The following PARD3 variants were observed in gnomAD, a reference collection of about 807,000 sequenced individuals.
PARD3 encodes par-3 family cell polarity regulator.
In PARD3, 75 loss-of-function variants were observed where a neutral mutation model predicts 155.4. That is an observed-to-expected ratio of 0.48 (90% confidence interval 0.40 to 0.58). The LOEUF is 0.58. Ranked by LOEUF, PARD3 falls within the 20% of genes least tolerant of loss-of-function variation. PARD3 has a pLI of 0.00. For missense variants in PARD3, 1,642 were observed against 1,721.7 expected (o/e 0.95, Z 0.82); for synonymous variants, 576 against 610.5 (o/e 0.94, Z 0.83).
At chr10:34,331,085 AATT>A in intron 19 of PARD3, 29 bp downstream of exon 19, 4 of 1,539,572 alleles carry the variant, frequency 2.6e-6, no homozygotes, top group Non-Finnish European at 2.7e-6. Flanking sequence ...GTCTAATTTT[AATT>A]ATTATTCTTT....
intron 5 of PARD3, among the ~76,000 whole-genome samples, chr10:34,413,479 C>A (rs952726446): frequency 5.4e-5 from 8 of 148,178 alleles, no homozygotes; most frequent in Non-Finnish European, 1.2e-4. Flanking sequence ...ATTTGAGAAA[C>A]CTTTTGACTA....
At chr10:34,716,580 CTTTT>C (rs1258313999) in intron 1 of PARD3, among the ~76,000 whole-genome samples, 17 of 109,482 alleles carry the variant, frequency 1.6e-4, no homozygotes, top group Middle Eastern at 5.3e-3. Context: ...CCCAGGATGG[CTTTT>C]CTTTTTTTTT....
chr10:34,357,290 AAAAATTTTAATTGGTCTCT>A (rs1208074668), intron 14 of PARD3, among the ~76,000 whole-genome samples: 3 of 152,182 alleles, frequency 2.0e-5, no homozygotes, highest in Non-Finnish European at 4.4e-5. Flanking sequence ...AGAAGGTGTT[AAAAATTTTAATTGGTCTCT>A]AAAAGACTAA....
At chr10:34,619,208 G>A (rs550536329) in intron 2 of PARD3, among the ~76,000 whole-genome samples, 7 of 151,950 alleles carry the variant, frequency 4.6e-5, no homozygotes, top group South Asian at 2.1e-4. Context: ...GCACCACCAC[G>A]CCTGGCTAAA....
intron 2 of PARD3, among the ~76,000 whole-genome samples, chr10:34,676,396 A>C (rs1331908632): frequency 6.6e-6 from 1 of 152,164 alleles, no homozygotes; most frequent in Non-Finnish European, 1.5e-5. Flanking sequence ...GCTCCTTCCC[A>C]CAATAAACAA....
chr10:34,670,655 G>A (rs1295070876), intron 2 of PARD3, among the ~76,000 whole-genome samples: 1 of 152,162 alleles, frequency 6.6e-6, no homozygotes, highest in African/African-American at 2.4e-5. Context: ...ATGTTTTAGA[G>A]TATCTATAAG....
chr10:34,145,949 C>G (rs1948485051), intron 22 of PARD3, among the ~76,000 whole-genome samples: 1 of 152,138 alleles, frequency 6.6e-6, no homozygotes. Context: ...GTTGGGAATT[C>G]TCATGACAGT....
At chr10:34,304,654 A>AC (rs1414121752) in intron 20 of PARD3, among the ~76,000 whole-genome samples, 1 of 152,194 alleles carries the variant, frequency 6.6e-6, no homozygotes, top group Non-Finnish European at 1.5e-5. Context: ...GTGTGACTCT[A>AC]CCACCAATTA....
chr10:34,499,691 A>G (rs1309481906), intron 3 of PARD3, among the ~76,000 whole-genome samples: 3 of 152,222 alleles, frequency 2.0e-5, no homozygotes, highest in Non-Finnish European at 4.4e-5. Context: ...TGAATTAAGC[A>G]TACTCTATTT....
intron 1 of PARD3, among the ~76,000 whole-genome samples, chr10:34,708,228 T>C (rs917393923): frequency 3.3e-5 from 5 of 151,890 alleles, no homozygotes; most frequent in East Asian, 3.9e-4. Context: ...CTTTGTTTTT[T>C]GTCTTGTCTT....
At chr10:34,270,787 A>C (rs1955576666) in intron 21 of PARD3, among the ~76,000 whole-genome samples, 1 of 152,172 alleles carries the variant, frequency 6.6e-6, no homozygotes. Flanking sequence ...TAAATTAAGG[A>C]CTAGAAGGCA....
chr10:34,519,880 CATAAA>C (rs1209499578), intron 2 of PARD3, among the ~76,000 whole-genome samples: 110 of 139,776 alleles, frequency 7.9e-4, no homozygotes, highest in African/African-American at 2.6e-3. Flanking sequence ...CATAACATAA[CATAAA>C]AATAGAAAAT....
chr10:34,450,279 T>C (rs773454755), intron 5 of PARD3, 38 bp downstream of exon 5: 1 of 1,594,660 alleles, frequency 6.3e-7, no homozygotes, highest in South Asian at 1.1e-5. Context: ...GACAGGATGT[T>C]ACAGCAATGA....
intron 2 of PARD3, among the ~76,000 whole-genome samples, chr10:34,537,546 T>A (rs530899833): frequency 6.6e-6 from 1 of 152,200 alleles, no homozygotes; most frequent in South Asian, 2.1e-4. Flanking sequence ...TACACTGGGG[T>A]CCACACTTCC....
At chr10:34,560,888 C>G (rs755280178) in intron 2 of PARD3, among the ~76,000 whole-genome samples, 6 of 152,200 alleles carry the variant, frequency 3.9e-5, no homozygotes, top group Non-Finnish European at 7.4e-5. Flanking sequence ...TGGAACTCAA[C>G]ATTTCCATGC....
At chr10:34,795,532 A>T (rs954692266) in intron 1 of PARD3, among the ~76,000 whole-genome samples, 1 of 151,968 alleles carries the variant, frequency 6.6e-6, no homozygotes, top group Non-Finnish European at 1.5e-5. Flanking sequence ...GAATCACTTG[A>T]GCCCAGCATT....
At chr10:34,316,142 G>A (rs576082562) in intron 20 of PARD3, among the ~76,000 whole-genome samples, 2 of 152,150 alleles carry the variant, frequency 1.3e-5, no homozygotes, top group Non-Finnish European at 2.9e-5. Context: ...TAAAAAGAGG[G>A]GATCCATAAT....
intron 22 of PARD3, among the ~76,000 whole-genome samples, chr10:34,214,364 T>A (rs1951899790): frequency 6.6e-6 from 1 of 152,192 alleles, no homozygotes; most frequent in Non-Finnish European, 1.5e-5. Context: ...TATCAAAAAA[T>A]TTAATAATTC....
chr10:34,355,945 AACAAAACAAAACCAAAC>A (rs1838805787), intron 14 of PARD3, among the ~76,000 whole-genome samples: 11 of 124,204 alleles, frequency 8.9e-5, no homozygotes, highest in African/African-American at 1.8e-4. Flanking sequence ...AAAAAAAAAA[AACAAAACAAAACCAAAC>A]AAAAAAACAG....
Sources: gnomAD v4.1 joint callset for allele counts (sites outside exome capture counted in the v4.1 genomes callset) on GRCh38, gnomAD v4.1.1 for gene constraint, MANE v1.5 for transcripts, NCBI Gene and HGNC (gene_info 2026-07-23, HGNC 2026-07-21) for gene names.